ATP8A2: variants seen among roughly 807,000 people sequenced by gnomAD.
ATP8A2 encodes phospholipid-transporting ATPase IB.
ATP8A2 carries 100 observed loss-of-function variants against 165.6 expected under a neutral mutation model. That is an observed-to-expected ratio of 0.60 (90% CI 0.51 to 0.71). The LOEUF is 0.71. ATP8A2 is among the 30% of genes least tolerant of loss of function. ATP8A2 has a pLI of 0.00. For synonymous variants in ATP8A2, 543 were observed against 548.8 expected, an observed-to-expected ratio of 0.99 and a Z score of 0.15; for missense variants, 1,227 against 1,479.5, an observed-to-expected ratio of 0.83 and a Z score of 2.80.
intron 26 of ATP8A2, among the ~76,000 whole-genome samples, chr13:25,771,933 G>A (rs571976456): frequency 3.5e-4 from 54 of 152,272 alleles, no homozygotes; most frequent in African/African-American, 1.3e-3. Context: ...TCATTTTAAT[G>A]TGGATGCATT....
rs1289697768 is a variant in ATP8A2, at chr13:25,953,844, G to T, written c.3184-7731G>T. On this transcript the variant is annotated intron_variant, in intron 33 of 36. Coordinates refer to ENST00000381655, the MANE Select transcript of ATP8A2 (RefSeq NM_016529.6). The surrounding 1 kb of genome is among the most constrained non-coding windows in gnomAD (Gnocchi z 6.7). ...TCCCAGATACTATGCTTTTCCCATG[G>T]TCTTCGCAAACTGCAGACCAGGAGA... Among the ~76,000 whole-genome samples the T allele has an allele frequency of 6.6e-6, 1 of 152,156 alleles. No individual in the cohort carries two copies. Among genetic ancestry groups the T allele is most frequent in the Non-Finnish European group, 1.5e-5 (1 of 68,026 alleles).
chr13:25,881,578 GGA>G (rs146413315), intron 33 of ATP8A2, among the ~76,000 whole-genome samples: 11 of 149,400 alleles, frequency 7.4e-5, no homozygotes, highest in Non-Finnish European at 8.9e-5. Flanking sequence ...TGTCCTCCAT[GGA>G]GAGAGAGAGA....
intron 16 of ATP8A2, among the ~76,000 whole-genome samples, chr13:25,569,396 A>T (rs1301296349): frequency 6.6e-6 from 1 of 152,346 alleles, no homozygotes; most frequent in Admixed American, 6.5e-5. Context: ...GGAAGCCGTC[A>T]TTCATTTATG....
At chr13:25,980,947 T>C (rs1461437383) in intron 35 of ATP8A2, among the ~76,000 whole-genome samples, 1 of 152,198 alleles carries the variant, frequency 6.6e-6, no homozygotes, top group Non-Finnish European at 1.5e-5. Context: ...AAATATTTAT[T>C]AGTATGAATT....
intron 1 of ATP8A2, among the ~76,000 whole-genome samples, chr13:25,402,767 G>A (rs2033678344): frequency 6.6e-6 from 1 of 152,170 alleles, no homozygotes; most frequent in Admixed American, 6.5e-5. Context: ...AAGGGCTTGA[G>A]GCAGCAAGTT....
At chr13:25,671,769 C>T (rs907415151) in intron 24 of ATP8A2, among the ~76,000 whole-genome samples, 1 of 152,198 alleles carries the variant, frequency 6.6e-6, no homozygotes, top group Non-Finnish European at 1.5e-5. Context: ...TGCCTCGGTC[C>T]TGTGGTCCTG....
In ATP8A2 at chr13:25,616,809, C is replaced by T. The variant is rs370514674; in HGVS notation, c.2211+27110C>T. ...TCACCCTAAAATATTAGCCAGATCT[C>T]ATAGGCTGAATTAGGTCACAGGGTA... On this transcript the variant is annotated intron_variant, in intron 24 of 36. Coordinates refer to ENST00000381655, the MANE Select transcript of ATP8A2 (RefSeq NM_016529.6). Among the ~76,000 whole-genome samples the T allele has an allele frequency of 1.3e-4, 20 of 152,276 alleles. No homozygotes were observed. The East Asian group carries it at 3.5e-3, about 26-fold the overall frequency.
intron 27 of ATP8A2, among the ~76,000 whole-genome samples, chr13:25,791,841 C>T (rs190341641): frequency 3.3e-5 from 5 of 152,242 alleles, no homozygotes; most frequent in African/African-American, 7.2e-5. Context: ...CCCTTGTTTC[C>T]TTCTTGCTGC....
chr13:25,617,677 A>C (rs960843924), intron 24 of ATP8A2, among the ~76,000 whole-genome samples: 1 of 152,124 alleles, frequency 6.6e-6, no homozygotes, highest in African/African-American at 2.4e-5. Flanking sequence ...GAATTTATTA[A>C]TTTTTGTTAC....
chr13:25,945,488 T>G (rs1318642599), intron 33 of ATP8A2, among the ~76,000 whole-genome samples: 1 of 152,234 alleles, frequency 6.6e-6, no homozygotes, highest in African/African-American at 2.4e-5. Context: ...GGAATGGACA[T>G]TCTTCACAAT....
At chr13:25,649,232 T>G (rs2041753517) in intron 24 of ATP8A2, among the ~76,000 whole-genome samples, 1 of 152,158 alleles carries the variant, frequency 6.6e-6, no homozygotes, top group South Asian at 2.1e-4. Flanking sequence ...CAGAGCTTAT[T>G]TTGGAGTTCT....
At chr13:25,890,731 C>A (rs1015873209) in intron 33 of ATP8A2, among the ~76,000 whole-genome samples, 1 of 152,058 alleles carries the variant, frequency 6.6e-6, no homozygotes, top group Non-Finnish European at 1.5e-5. Flanking sequence ...TAGTGGGAGC[C>A]TTTTATTGCT....
chr13:25,561,156 T>C (rs918981837), intron 15 of ATP8A2, among the ~76,000 whole-genome samples: 1 of 152,096 alleles, frequency 6.6e-6, no homozygotes, highest in Non-Finnish European at 1.5e-5. Context: ...AAGTGAATTT[T>C]TTCCATTATT....
chr13:25,415,792 A>G (rs1383494384), intron 1 of ATP8A2, among the ~76,000 whole-genome samples: 2 of 152,070 alleles, frequency 1.3e-5, no homozygotes, highest in African/African-American at 2.4e-5. Context: ...CTCCACATCT[A>G]AAGGTGGTCT....
intron 33 of ATP8A2, among the ~76,000 whole-genome samples, chr13:25,956,882 T>C (rs9511992): frequency 0.23 from 34,889 of 152,178 alleles, 4,168 homozygotes; most frequent in South Asian, 0.41. Context: ...ATTACAAGGC[T>C]ACAGTAACCA....
chr13:25,452,519 T>C (rs1408259254), intron 1 of ATP8A2, among the ~76,000 whole-genome samples: 4 of 152,214 alleles, frequency 2.6e-5, no homozygotes, highest in African/African-American at 9.6e-5. Context: ...CTATTAAAGA[T>C]TGATACCCCG....
At chr13:25,515,921 A>G (rs1446903257) in intron 2 of ATP8A2, among the ~76,000 whole-genome samples, 1 of 152,226 alleles carries the variant, frequency 6.6e-6, no homozygotes, top group Admixed American at 6.5e-5. Context: ...GGTTTTGTGC[A>G]CTTTGCTATA....
At chr13:25,666,351 A>G (rs1365486337) in intron 24 of ATP8A2, among the ~76,000 whole-genome samples, 2 of 151,792 alleles carry the variant, frequency 1.3e-5, no homozygotes, top group Non-Finnish European at 2.9e-5. Context: ...CTGGGACTAC[A>G]GGCACCTGCC....
chr13:25,760,014 T>G (rs1372477610), intron 25 of ATP8A2, among the ~76,000 whole-genome samples: 1 of 152,162 alleles, frequency 6.6e-6, no homozygotes, highest in Non-Finnish European at 1.5e-5. Context: ...CAAAGTATCC[T>G]TATTTCAAAG....
Sources: gnomAD v4.1 joint callset for allele counts (sites outside exome capture counted in the v4.1 genomes callset) on GRCh38, gnomAD v4.1.1 for gene constraint, Gnocchi (gnomAD v3.1) non-coding constraint, MANE v1.5 for transcripts, NCBI Gene and HGNC (gene_info 2026-07-23, HGNC 2026-07-21) for gene names.